The following NAV2 variants were observed in gnomAD, a reference collection of about 807,000 sequenced individuals.
NAV2 encodes neuron navigator 2.
A neutral mutation model predicts 223.2 loss-of-function variants in NAV2; 54 were observed. The observed-to-expected ratio is 0.24, with a 90% CI of 0.19 to 0.30. The LOEUF is 0.30. NAV2 is among the 10% of genes least tolerant of loss of function. NAV2 has a pLI of 1.00. For synonymous variants in NAV2, 1,279 were observed against 1,239.3 expected, an observed-to-expected ratio of 1.03 and a Z score of -0.67; for missense variants, 2,806 against 3,147.5, an observed-to-expected ratio of 0.89 and a Z score of 2.60.
rs10766580 is a variant in NAV2, at chr11:19,677,490, G to A, written c.76-154994G>A. Among the ~76,000 whole-genome samples the A allele has an allele frequency of 2.0e-5, 3 of 152,304 alleles. No homozygotes were observed. The South Asian group carries it at 6.2e-4, about 32-fold the overall frequency. On this transcript the variant is annotated intron_variant, in intron 1 of 37. Transcript: ENST00000360655. Reference sequence around the variant, plus strand: ...CTCATTTTACAGAGGAGGAGACTGAGGCCCAGAGAGGGTCGGGCCTTGCCC... The same window carrying A: ...CTCATTTTACAGAGGAGGAGACTGAAGCCCAGAGAGGGTCGGGCCTTGCCC...
At chr11:20,047,998 T>C (rs946131821) in intron 14 of NAV2, among the ~76,000 whole-genome samples, 2 of 152,204 alleles carry the variant, frequency 1.3e-5, no homozygotes, top group African/African-American at 4.8e-5. Context: ...TGTAGTCTGA[T>C]GGCACATTTT....
chr11:19,520,828 T>G (rs2702713), intron 1 of NAV2, among the ~76,000 whole-genome samples: 62,790 of 152,106 alleles, frequency 0.41, 13,342 homozygotes, highest in African/African-American at 0.49. Context: ...AAGCTGGCAC[T>G]CACAGGAGGC....
chr11:19,753,497 C>T (rs934613432), intron 1 of NAV2, among the ~76,000 whole-genome samples: 2 of 152,238 alleles, frequency 1.3e-5, no homozygotes, highest in Non-Finnish European at 2.9e-5. Flanking sequence ...GTCTAAGGCT[C>T]AGCCCAGGCA....
intron 1 of NAV2, among the ~76,000 whole-genome samples, chr11:19,652,094 A>G (rs1198873718): frequency 6.6e-6 from 1 of 152,234 alleles, no homozygotes; most frequent in African/African-American, 2.4e-5. Flanking sequence ...TCGGATGCAC[A>G]GTGATTAATC....
chr11:19,994,415 C>T (rs1027812852), intron 11 of NAV2, among the ~76,000 whole-genome samples: 15 of 152,138 alleles, frequency 9.9e-5, no homozygotes, highest in Non-Finnish European at 1.9e-4. Context: ...GGCGTGGTGG[C>T]GGGCGCCTGT....
intron 36 of NAV2, 58 bp from the exon 37 acceptor site, chr11:20,114,534 G>C (rs1228060176): frequency 6.5e-7 from 1 of 1,535,036 alleles, no homozygotes; most frequent in Admixed American, 1.7e-5. Context: ...CTGCAAAACT[G>C]GGGCTACGAG....
At chr11:19,675,127 T>C (rs772426772) in intron 1 of NAV2, among the ~76,000 whole-genome samples, 1 of 152,154 alleles carries the variant, frequency 6.6e-6, no homozygotes, top group Non-Finnish European at 1.5e-5. Flanking sequence ...ATCCTTAGCA[T>C]GGTAAAAAAG....
intron 1 of NAV2, among the ~76,000 whole-genome samples, chr11:19,493,631 G>A (rs554478544): frequency 2.6e-5 from 4 of 152,272 alleles, no homozygotes; most frequent in Non-Finnish European, 2.9e-5. Context: ...GCTGGCTGAC[G>A]AAGTCCCCTG....
At chr11:19,527,972 A>ACACACACACACACACACACACACAC (rs1565018537) in intron 1 of NAV2, among the ~76,000 whole-genome samples, 29 of 150,684 alleles carry the variant, frequency 1.9e-4, no homozygotes, top group African/African-American at 6.3e-4. Context: ...ACACACACAC[A>ACACACACACACACACACACACACAC]ATCCTGGGAA....
chr11:19,429,763 A>G (rs1850976294), intron 1 of NAV2, among the ~76,000 whole-genome samples: 2 of 152,348 alleles, frequency 1.3e-5, no homozygotes, highest in South Asian at 4.1e-4. Context: ...CAGATGATGA[A>G]GAATCTAAGG....
At chr11:19,944,410 C>T (rs1008265325) in intron 8 of NAV2, among the ~76,000 whole-genome samples, 1 of 152,034 alleles carries the variant, frequency 6.6e-6, no homozygotes, top group African/African-American at 2.4e-5. Flanking sequence ...TGTTTTCTTT[C>T]CTTTTCTTTT....
chr11:19,817,226 A>T (rs888648928), intron 1 of NAV2, among the ~76,000 whole-genome samples: 2 of 152,142 alleles, frequency 1.3e-5, no homozygotes, highest in Admixed American at 1.3e-4. Flanking sequence ...CAAAAACAAA[A>T]CAACAAAACA....
intron 31 of NAV2, among the ~76,000 whole-genome samples, chr11:20,098,657 C>T (rs567584134): frequency 4.6e-5 from 7 of 152,248 alleles, no homozygotes; most frequent in Non-Finnish European, 8.8e-5. Context: ...TAAGATCTTG[C>T]TCTGCAGGTG....
chr11:19,587,032 C>G (rs1005051470), intron 1 of NAV2, among the ~76,000 whole-genome samples: 1 of 152,218 alleles, frequency 6.6e-6, no homozygotes, highest in Non-Finnish European at 1.5e-5. Context: ...CCACCCAGTT[C>G]GAGCTTCACG....
At chr11:19,627,116 G>A (rs368013548) in intron 1 of NAV2, among the ~76,000 whole-genome samples, 11 of 152,258 alleles carry the variant, frequency 7.2e-5, no homozygotes, top group South Asian at 4.2e-4. Context: ...GGCCGGGTGC[G>A]GTGACTCACG....
At chr11:20,107,057 ATT>A (rs10590815) in intron 35 of NAV2, among the ~76,000 whole-genome samples, 8 of 27,254 alleles carry the variant, frequency 2.9e-4, no homozygotes, top group Non-Finnish European at 4.0e-4. Context: ...ATGGGCTTCC[ATT>A]TTTTTTTTTT....
chr11:19,622,783 A>G (rs1243434258), intron 1 of NAV2, among the ~76,000 whole-genome samples: 1 of 152,162 alleles, frequency 6.6e-6, no homozygotes, highest in African/African-American at 2.4e-5. Flanking sequence ...TAATATTGTC[A>G]TGTATGAATT....
intron 11 of NAV2, chr11:20,023,063 C>G (rs922626238): frequency 7.1e-6 from 11 of 1,551,316 alleles, no homozygotes; most frequent in Non-Finnish European, 9.6e-6. Flanking sequence ...GAGATTCATT[C>G]AGCTTCTTTG....
At chr11:20,073,367 G>A (rs1031145884) in intron 22 of NAV2, among the ~76,000 whole-genome samples, 19 of 152,142 alleles carry the variant, frequency 1.2e-4, no homozygotes, top group Admixed American at 7.9e-4. Flanking sequence ...TCACATTGAT[G>A]TTCATCAAGG....
Sources: allele counts gnomAD v4.1 joint callset (sites outside exome capture counted in the v4.1 genomes callset), GRCh38; gene constraint gnomAD v4.1.1; transcripts MANE v1.5; gene names NCBI Gene and HGNC (gene_info 2026-07-23, HGNC 2026-07-21).